The following RAPGEF5 variants were observed in gnomAD, a reference collection of about 807,000 sequenced individuals.
RAPGEF5 encodes Rap guanine nucleotide exchange factor 5, also known as M-Ras-regulated GEF.
In RAPGEF5, 65 loss-of-function variants were observed where a neutral mutation model predicts 125.2. The observed-to-expected ratio is 0.52, with a 90% CI of 0.43 to 0.64. The LOEUF (loss-of-function observed/expected upper bound fraction) is 0.64. Ranked by LOEUF, RAPGEF5 falls within the 30% of genes least tolerant of loss-of-function variation. The probability of loss-of-function intolerance (pLI) is 0.00; values close to 1 mark genes in which losing one functional copy is unlikely to be tolerated. For synonymous variants in RAPGEF5, 391 were observed against 385.9 expected (o/e 1.01, Z -0.16); for missense variants, 958 against 1,048.1 (o/e 0.91, Z 1.19).
intron 7 of RAPGEF5, among the ~76,000 whole-genome samples, chr7:22,243,444 T>C (rs905005521): frequency 1.8e-4 from 28 of 152,028 alleles, no homozygotes; most frequent in African/African-American, 6.5e-4. Flanking sequence ...TTAATAGAGA[T>C]GGGGTTTCAC....
intron 7 of RAPGEF5, among the ~76,000 whole-genome samples, chr7:22,257,402 AC>A (rs908621033): frequency 6.6e-6 from 1 of 152,204 alleles, no homozygotes; most frequent in African/African-American, 2.4e-5. Context: ...TAAGAAGTTT[AC>A]CTTTCTCTGA....
chr7:22,139,939 G>T, intron 21 of RAPGEF5, 86 bp downstream of exon 21: 3 of 1,186,288 alleles, frequency 2.5e-6, no homozygotes, highest in Non-Finnish European at 3.6e-6. Context: ...AACATTTTTA[G>T]TTTAGTAGTA....
At chr7:22,174,430 G>A (rs1394860178) in intron 11 of RAPGEF5, among the ~76,000 whole-genome samples, 1 of 152,130 alleles carries the variant, frequency 6.6e-6, no homozygotes, top group Non-Finnish European at 1.5e-5. Context: ...CAACACCAGG[G>A]CCACATCTCC....
intron 7 of RAPGEF5, among the ~76,000 whole-genome samples, chr7:22,265,392 A>T (rs1467890845): frequency 2.6e-5 from 4 of 152,188 alleles, no homozygotes; most frequent in Non-Finnish European, 5.9e-5. Flanking sequence ...TTCACTTAAC[A>T]TAATGTCCTC....
chr7:22,204,853 G>T (rs563623208), intron 9 of RAPGEF5, among the ~76,000 whole-genome samples: 3 of 152,188 alleles, frequency 2.0e-5, no homozygotes, highest in Admixed American at 1.3e-4. Context: ...GATTTGAGAG[G>T]CAAGCAAAAA....
At chr7:22,254,716 A>G (rs1786711956) in intron 7 of RAPGEF5, among the ~76,000 whole-genome samples, 1 of 151,730 alleles carries the variant, frequency 6.6e-6, no homozygotes, top group South Asian at 2.1e-4. Context: ...TTTTCCATGG[A>G]CTTGGAGAGG....
chr7:22,354,668 C>A (rs1433494071), intron 1 of RAPGEF5, among the ~76,000 whole-genome samples: 1 of 152,052 alleles, frequency 6.6e-6, no homozygotes, highest in Non-Finnish European at 1.5e-5. Context: ...GATGGTGGGG[C>A]CCTCATGATG....
intron 1 of RAPGEF5, among the ~76,000 whole-genome samples, chr7:22,348,840 A>G (rs190437501): frequency 6.6e-6 from 1 of 152,312 alleles, no homozygotes; most frequent in African/African-American, 2.4e-5. Context: ...TAATCCCAAA[A>G]CTTTTGGAGG....
At chr7:22,173,402 A>G (rs1003040406) in intron 11 of RAPGEF5, among the ~76,000 whole-genome samples, 16 of 152,178 alleles carry the variant, frequency 1.1e-4, no homozygotes, top group Non-Finnish European at 2.1e-4. Flanking sequence ...GGCTCACCAT[A>G]GCGTTTTCTT....
intron 1 of RAPGEF5, among the ~76,000 whole-genome samples, chr7:22,339,013 C>G (rs1288638656): frequency 1.3e-5 from 2 of 152,178 alleles, no homozygotes; most frequent in Non-Finnish European, 2.9e-5. Flanking sequence ...GATAAGATCT[C>G]AGGAGGTGGG....
intron 18 of RAPGEF5, among the ~76,000 whole-genome samples, chr7:22,148,981 G>C (rs1783532637): frequency 6.6e-6 from 1 of 152,194 alleles, no homozygotes; most frequent in Non-Finnish European, 1.5e-5. Context: ...CAGGACTGTG[G>C]CCTGCTGAAG....
intron 12 of RAPGEF5, among the ~76,000 whole-genome samples, chr7:22,165,042 G>A (rs868491820): frequency 1.1e-3 from 167 of 152,168 alleles, no homozygotes; most frequent in African/African-American, 3.9e-3. Flanking sequence ...GATTCCCTTT[G>A]TGTTTGTGGT....
intron 1 of RAPGEF5, among the ~76,000 whole-genome samples, chr7:22,350,898 A>G (rs966314406): frequency 6.6e-6 from 1 of 152,198 alleles, no homozygotes; most frequent in Non-Finnish European, 1.5e-5. Flanking sequence ...GTTTGTCAGC[A>G]AGCAGAGGCA....
At position 22,313,981 on chromosome 7, in the gene RAPGEF5, G is replaced by C. The variant is rs114593935; in HGVS notation, c.389+1389C>G. 5.5e-3 allele frequency among the ~76,000 whole-genome samples: 831 copies of C among 152,224 alleles called. 5 individuals carry two copies. Among genetic ancestry groups the C allele is most frequent in the African/African-American group, 0.019 (791 of 41,530 alleles). ...TAATGGGAGGAAAACAGCAGATCTT[G>C]GAGCTTTTTAAAGAGCTCCGTGAGT... On this transcript the variant is annotated intron_variant, in intron 3 of 25. Transcript: ENST00000665637.
At chr7:22,235,996 T>C (rs1354606796) in intron 7 of RAPGEF5, among the ~76,000 whole-genome samples, 1 of 152,188 alleles carries the variant, frequency 6.6e-6, no homozygotes, top group Admixed American at 6.5e-5. Flanking sequence ...GTGTTCACCA[T>C]AAAGCCACTC....
At position 22,316,223 on chromosome 7, in the gene RAPGEF5, T is replaced by C. The variant is rs550612923; in HGVS notation, c.283-747A>G. ...CCTTCCCCCAAAGCACAATGCTGTT[T>C]CACAAGCAAAGGGGGCTAAATGAAA... On this transcript the variant is annotated intron_variant, in intron 2 of 25. Coordinates refer to ENST00000665637, the MANE Select transcript of RAPGEF5 (RefSeq NM_012294.5). Among the ~76,000 whole-genome samples the C allele has an allele frequency of 1.1e-4, 16 of 152,090 alleles. No individual in the cohort carries two copies. In the South Asian group the frequency reaches 3.3e-3, roughly 32 times the overall value.
intron 9 of RAPGEF5, among the ~76,000 whole-genome samples, chr7:22,203,606 T>C (rs956235907): frequency 2.0e-5 from 3 of 152,194 alleles, no homozygotes; most frequent in African/African-American, 4.8e-5. Flanking sequence ...TGCTCCTTGT[T>C]CCAGATATGG....
At chr7:22,209,561 T>C (rs1002613929) in intron 9 of RAPGEF5, among the ~76,000 whole-genome samples, 2 of 152,230 alleles carry the variant, frequency 1.3e-5, no homozygotes, top group Non-Finnish European at 2.9e-5. Flanking sequence ...GTTTTAATAC[T>C]GAGATAATTT....
At chr7:22,305,080 A>T (rs534935221) in intron 5 of RAPGEF5, among the ~76,000 whole-genome samples, 1 of 152,336 alleles carries the variant, frequency 6.6e-6, no homozygotes, top group East Asian at 1.9e-4. Flanking sequence ...AGGTGTTAAA[A>T]GCACAGTCAT....
Sources: gnomAD v4.1 joint callset for allele counts (sites outside exome capture counted in the v4.1 genomes callset) on GRCh38, gnomAD v4.1.1 for gene constraint, MANE v1.5 for transcripts, NCBI Gene and HGNC (gene_info 2026-07-23, HGNC 2026-07-21) for gene names.